Variants in SLC9A9 observed in about 807,000 individuals in gnomAD.
SLC9A9 encodes the protein solute carrier family 9 member A9.
In SLC9A9, 62 loss-of-function variants were observed where a neutral mutation model predicts 77.8. That is an observed-to-expected ratio of 0.80 (90% confidence interval 0.65 to 0.98). The LOEUF is 0.98. SLC9A9 is among the 50% of genes least tolerant of loss of function. SLC9A9 has a pLI of 0.00. For missense variants in SLC9A9, 775 were observed against 774.9 expected, an observed-to-expected ratio of 1.00 and a Z score of 0.00; for synonymous variants, 320 against 283.5, an observed-to-expected ratio of 1.13 and a Z score of -1.29.
chr3:143,837,381 A>T (rs2009592917), intron 1 of SLC9A9, among the ~76,000 whole-genome samples: 1 of 152,252 alleles, frequency 6.6e-6, no homozygotes, highest in Non-Finnish European at 1.5e-5. Context: ...AGGAGTCTAA[A>T]GCAAATGTAG....
intron 5 of SLC9A9, among the ~76,000 whole-genome samples, chr3:143,674,532 G>C (rs1245661979): frequency 3.3e-5 from 5 of 152,110 alleles, no homozygotes; most frequent in African/African-American, 1.2e-4. Context: ...TGAAACCGGT[G>C]CGCCCCAGAA....
At chr3:143,466,994 C>T (rs16853643) in intron 12 of SLC9A9, 43 bp downstream of exon 12, 177,940 of 1,601,090 alleles carry the variant, frequency 0.11, 14,665 homozygotes, top group African/African-American at 0.44. Context: ...AACAGCGCAG[C>T]CATGCCTCAT....
chr3:143,266,230 A>T lies in SLC9A9; in HGVS notation c.*472T>A. ...CAAATGGGAGTCAAGTCCTCAAAAT[A>T]AGAAACTTATCACTTACTAAATAGC... On this transcript the variant is annotated 3_prime_UTR_variant, in exon 16 of 16. Coordinates refer to ENST00000316549, the MANE Select transcript of SLC9A9 (RefSeq NM_173653.4). The T allele has an allele frequency of 1.6e-6, 1 of 634,204 alleles. No individual in the cohort carries two copies. The highest frequency in any genetic ancestry group is 1.8e-5 in the African/African-American group (1 of 54,726). 39.3% of individuals were successfully genotyped at this position (634,204 alleles called of 1,614,324 possible). A position where few individuals can be genotyped will look rare whatever the true frequency, so the allele number is the denominator to read the frequency against.
At chr3:143,595,719 A>G (rs947255253) in intron 6 of SLC9A9, among the ~76,000 whole-genome samples, 5 of 152,224 alleles carry the variant, frequency 3.3e-5, no homozygotes, top group Non-Finnish European at 7.3e-5. Context: ...TTGGCAGGAC[A>G]AAGGATATAT....
chr3:143,300,420 G>A (rs1475127197), intron 14 of SLC9A9, among the ~76,000 whole-genome samples: 1 of 152,212 alleles, frequency 6.6e-6, no homozygotes, highest in Non-Finnish European at 1.5e-5. Context: ...AACCTCTTCA[G>A]TGTTTGGAAA....
chr3:143,334,864 A>G (rs535940103), intron 14 of SLC9A9, among the ~76,000 whole-genome samples: 1 of 152,188 alleles, frequency 6.6e-6, no homozygotes, highest in Admixed American at 6.5e-5. Context: ...AAATAAAATC[A>G]TGTTTAAAGT....
At chr3:143,453,850 T>G (rs1343823275) in intron 12 of SLC9A9, among the ~76,000 whole-genome samples, 1 of 152,148 alleles carries the variant, frequency 6.6e-6, no homozygotes, top group Non-Finnish European at 1.5e-5. Flanking sequence ...ACATTGAAAT[T>G]TAATCCCCAA....
chr3:143,518,203 A>G, intron 9 of SLC9A9: 2 of 1,598,562 alleles, frequency 1.3e-6, no homozygotes, highest in Non-Finnish European at 1.7e-6. Context: ...CAAAGGCCCG[A>G]AGCTTGTTCA....
intron 13 of SLC9A9, among the ~76,000 whole-genome samples, chr3:143,371,136 C>T (rs1173208093): frequency 6.6e-6 from 1 of 152,196 alleles, no homozygotes; most frequent in Non-Finnish European, 1.5e-5. Context: ...CCTGTACATG[C>T]ACAGGTTGAG....
chr3:143,267,576 C>T (rs1937768512), intron 15 of SLC9A9, among the ~76,000 whole-genome samples: 1 of 152,100 alleles, frequency 6.6e-6, no homozygotes, highest in Non-Finnish European at 1.5e-5. Context: ...TGGTCTTGAA[C>T]TCCTGACTGC....
chr3:143,762,264 A>G (rs558491819), intron 4 of SLC9A9, among the ~76,000 whole-genome samples: 1 of 152,300 alleles, frequency 6.6e-6, no homozygotes, highest in Admixed American at 6.5e-5. Context: ...TGGGTGCAGC[A>G]CACCAACATG....
intron 11 of SLC9A9, among the ~76,000 whole-genome samples, chr3:143,482,875 G>A (rs970966083): frequency 7.9e-5 from 12 of 152,136 alleles, no homozygotes; most frequent in African/African-American, 2.2e-4. Context: ...AGCTGAGGCG[G>A]GGTTGTTCAC....
chr3:143,781,408 G>A (rs182096018), intron 4 of SLC9A9, among the ~76,000 whole-genome samples: 327 of 152,214 alleles, frequency 2.1e-3, no homozygotes, highest in African/African-American at 7.6e-3. Context: ...AAAGGGCCCA[G>A]TAGTGGCTGG....
intron 5 of SLC9A9, among the ~76,000 whole-genome samples, chr3:143,663,172 G>A (rs1299711428): frequency 6.6e-6 from 1 of 152,206 alleles, no homozygotes; most frequent in Non-Finnish European, 1.5e-5. Context: ...CAGGCAAACA[G>A]GGTCTGCAGT....
intron 9 of SLC9A9, among the ~76,000 whole-genome samples, chr3:143,511,962 A>G (rs1042722296): frequency 2.6e-5 from 4 of 152,208 alleles, no homozygotes; most frequent in African/African-American, 9.7e-5. Flanking sequence ...CTTGTGGTAA[A>G]TCAAACTGAA....
chr3:143,384,854 G>A (rs1408910372), intron 12 of SLC9A9, among the ~76,000 whole-genome samples: 1 of 152,192 alleles, frequency 6.6e-6, no homozygotes, highest in African/African-American at 2.4e-5. Context: ...CATACGATTC[G>A]GGAGGTTCAA....
In SLC9A9 at chr3:143,621,814, C is replaced by T. The variant is rs944251831; in HGVS notation, c.755+30441G>A. Among the ~76,000 whole-genome samples the T allele has an allele frequency of 4.6e-5, 7 of 151,962 alleles. No individual in the cohort carries two copies. The South Asian group carries it at 1.0e-3, about 23-fold the overall frequency. ...AGAAGGCTTCAGACGATCAAACTAC[C>T]CTGAGCTAAAGGAGAAAGTTCGAAC... is the stretch of plus-strand genomic sequence containing the variant. On this transcript the variant is annotated intron_variant, in intron 6 of 15. Transcript: ENST00000316549.
chr3:143,827,635 C>G (rs1047003127), intron 2 of SLC9A9, among the ~76,000 whole-genome samples: 1 of 152,170 alleles, frequency 6.6e-6, no homozygotes, highest in East Asian at 1.9e-4. Flanking sequence ...CACGTCAATG[C>G]CTAACCATCC....
chr3:143,532,816 C>A (rs2036532569), intron 9 of SLC9A9, among the ~76,000 whole-genome samples: 1 of 152,190 alleles, frequency 6.6e-6, no homozygotes, highest in Non-Finnish European at 1.5e-5. Flanking sequence ...GCCCTTCAGT[C>A]CCTCAAGTGA....
Sources: gnomAD v4.1 joint callset for allele counts (sites outside exome capture counted in the v4.1 genomes callset) on GRCh38, gnomAD v4.1.1 for gene constraint, MANE v1.5 for transcripts, NCBI Gene and HGNC (gene_info 2026-07-23, HGNC 2026-07-21) for gene names.